DPP6: variants seen among roughly 807,000 people sequenced by gnomAD.
The protein encoded by DPP6 is dipeptidyl peptidase like 6, also known as A-type potassium channel modulatory protein DPP6.
In DPP6, 69 loss-of-function variants were observed where a neutral mutation model predicts 122.6. The observed-to-expected ratio is 0.56, with a 90% CI of 0.46 to 0.69. The LOEUF is 0.69. Ranked by LOEUF, DPP6 falls within the 30% of genes least tolerant of loss-of-function variation. The pLI is 0.00. For synonymous variants in DPP6, 418 were observed against 433.1 expected (o/e 0.97, Z 0.43); for missense variants, 928 against 1,116.9 (o/e 0.83, Z 2.41).
chr7:154,784,233 C>T lies in DPP6; in HGVS notation c.1137-9846C>T, dbSNP rs185190162. ...TGAGCTACAACTTGCACTGTGAACA[C>T]GCCATTCTCCTGGGACAAGAGGCCC... On this transcript the variant is annotated intron_variant, in intron 10 of 25. Transcript: ENST00000377770. 1.3e-3 allele frequency among the ~76,000 whole-genome samples: 191 copies of T among 152,202 alleles called. 1 individual carries two copies. Among genetic ancestry groups the T allele is most frequent in the Non-Finnish European group, 2.3e-3 (157 of 68,020 alleles).
intron 1 of DPP6, among the ~76,000 whole-genome samples, chr7:154,232,954 A>AT (rs1800999925): frequency 6.6e-6 from 1 of 152,268 alleles, no homozygotes; most frequent in African/African-American, 2.4e-5. Flanking sequence ...TCTCAAGCTC[A>AT]TCTCACTATT....
chr7:154,686,080 CCCA>C (rs1386431798), intron 7 of DPP6, among the ~76,000 whole-genome samples: 1 of 131,724 alleles, frequency 7.6e-6, no homozygotes, highest in African/African-American at 2.9e-5. Flanking sequence ...TCACAATGTT[CCCA>C]CCACCATGCT....
the DPP6 span, among the ~76,000 whole-genome samples, chr7:153,864,693 AC>A: frequency 6.7e-6 from 1 of 150,200 alleles, no homozygotes; most frequent in Non-Finnish European, 1.5e-5. Context: ...ACACACACAC[AC>A]ACACACACAC....
chr7:154,521,056 A>T (rs544479506), intron 3 of DPP6, among the ~76,000 whole-genome samples: 31 of 152,272 alleles, frequency 2.0e-4, no homozygotes, highest in African/African-American at 7.2e-4. Flanking sequence ...TAAATAATAG[A>T]ATCATCATAA....
chr7:154,186,806 T>G (rs2150756944), intron 1 of DPP6, among the ~76,000 whole-genome samples: 1 of 152,380 alleles, frequency 6.6e-6, no homozygotes, highest in South Asian at 2.1e-4. Context: ...TTAATGGTAG[T>G]TTGATGCTAG....
intron 1 of DPP6, among the ~76,000 whole-genome samples, chr7:154,216,935 A>G (rs60215403): frequency 8.2e-6 from 1 of 122,078 alleles, no homozygotes. Flanking sequence ...CTCTCTAAAA[A>G]AAAAAAAGAT....
intron 5 of DPP6, 79 bp from the exon 6 acceptor site, chr7:154,637,742 G>T: frequency 1.4e-6 from 2 of 1,436,038 alleles, no homozygotes; most frequent in Non-Finnish European, 1.9e-6. Context: ...TGTTTGTTAG[G>T]ATTCACAGTG....
chr7:153,836,980 T>C, the DPP6 span, among the ~76,000 whole-genome samples: 2 of 152,208 alleles, frequency 1.3e-5, no homozygotes, highest in Non-Finnish European at 1.5e-5. Context: ...GCATCCTTGG[T>C]CAGTCAGGGC....
the DPP6 span, among the ~76,000 whole-genome samples, chr7:153,833,314 C>T: frequency 6.6e-6 from 1 of 152,324 alleles, no homozygotes; most frequent in East Asian, 1.9e-4. Flanking sequence ...ACGTAATCCT[C>T]TTTTTGTATA....
the DPP6 span, among the ~76,000 whole-genome samples, chr7:153,767,604 C>T: frequency 6.7e-6 from 1 of 149,560 alleles, no homozygotes; most frequent in African/African-American, 2.5e-5. Context: ...GTCTTGAACT[C>T]CTGACCTCAG....
rs186919946 is a variant in DPP6, at chr7:153,928,984, G to T, written c.51+41250G>T. On this transcript the variant is annotated intron_variant, in intron 1 of 25. Coordinates refer to the DPP6 transcript ENST00000404039. ...AAACATGGGAGATCTTGGTGGGAGA[G>T]GTCAGAGAGAGCGCGGAGGGCCAGA... is the stretch of plus-strand genomic sequence containing the variant. Among the ~76,000 whole-genome samples the T allele has an allele frequency of 4.6e-5, 7 of 152,140 alleles. No individual in the cohort carries two copies. The East Asian group carries it at 1.4e-3, about 30-fold the overall frequency.
At chr7:153,794,802 C>T in the DPP6 span, among the ~76,000 whole-genome samples, 21 of 152,228 alleles carry the variant, frequency 1.4e-4, 1 homozygote, top group South Asian at 4.4e-3. Context: ...CTGGTGTTTC[C>T]CATGCTATTC....
chr7:153,936,746 G>A (rs6976703), intron 1 of DPP6, among the ~76,000 whole-genome samples: 101 of 152,104 alleles, frequency 6.6e-4, no homozygotes, highest in African/African-American at 2.4e-3. Context: ...GGGAGGTGGA[G>A]CTTGCAGTGA....
chr7:154,798,511 A>T (rs1798171791), intron 12 of DPP6, among the ~76,000 whole-genome samples: 2 of 152,240 alleles, frequency 1.3e-5, no homozygotes, highest in Admixed American at 6.5e-5. Context: ...CTAAATTTTT[A>T]AAATAGCTGC....
chr7:154,789,042 A>G (rs1370876829), intron 10 of DPP6, among the ~76,000 whole-genome samples: 1 of 151,972 alleles, frequency 6.6e-6, no homozygotes, highest in Non-Finnish European at 1.5e-5. Flanking sequence ...ATTCTGCACC[A>G]TTTGACCCTC....
intron 8 of DPP6, among the ~76,000 whole-genome samples, chr7:154,740,654 A>G (rs1368147662): frequency 6.6e-6 from 1 of 152,226 alleles, no homozygotes; most frequent in African/African-American, 2.4e-5. Context: ...TGTCCATGCC[A>G]GATAACTTCA....
At chr7:154,054,124 G>A (rs1303124895) in intron 1 of DPP6, among the ~76,000 whole-genome samples, 2 of 151,472 alleles carry the variant, frequency 1.3e-5, no homozygotes, top group African/African-American at 4.9e-5. Flanking sequence ...TGCCTTTGAG[G>A]AGTTTCACAA....
At chr7:154,414,915 C>A (rs1036061842) in intron 1 of DPP6, among the ~76,000 whole-genome samples, 28 of 152,200 alleles carry the variant, frequency 1.8e-4, no homozygotes, top group African/African-American at 6.8e-4. Flanking sequence ...CACACACTGT[C>A]ACTTCCAGTA....
intron 1 of DPP6, among the ~76,000 whole-genome samples, chr7:154,070,194 C>T (rs1803019988): frequency 6.9e-6 from 1 of 145,300 alleles, no homozygotes; most frequent in Admixed American, 7.1e-5. Flanking sequence ...AGCTCCATAC[C>T]GAGGTATCAG....
Sources: allele counts gnomAD v4.1 joint callset (sites outside exome capture counted in the v4.1 genomes callset), GRCh38; gene constraint gnomAD v4.1.1; transcripts MANE v1.5; gene names NCBI Gene and HGNC (gene_info 2026-07-23, HGNC 2026-07-21).